The following EYS variants were observed in gnomAD, a reference collection of about 807,000 sequenced individuals.
EYS encodes the protein EGF-like photoreceptor maintenance factor, also known as protein eyes shut homolog.
EYS carries 250 observed loss-of-function variants against 282.1 expected under a neutral mutation model. The observed-to-expected ratio is 0.89, with a 90% CI of 0.80 to 0.98. The LOEUF is 0.98. Among genes scored for constraint, EYS ranks in the 50% least tolerant of loss-of-function variants. The pLI, the probability that EYS is intolerant of heterozygous loss-of-function variation, is 0.00. For synonymous variants in EYS, 1,355 were observed against 1,282.9 expected (o/e 1.06, Z -1.20); for missense variants, 4,016 against 3,709.0 (o/e 1.08, Z -2.15).
At chr6:64,540,019 C>G (rs1764649473) in intron 26 of EYS, among the ~76,000 whole-genome samples, 1 of 152,164 alleles carries the variant, frequency 6.6e-6, no homozygotes, top group Non-Finnish European at 1.5e-5. Flanking sequence ...AAGAGAGGAA[C>G]CATTTCCAAG....
At chr6:65,416,505 AT>A (rs552528058) in intron 5 of EYS, among the ~76,000 whole-genome samples, 233 of 152,116 alleles carry the variant, frequency 1.5e-3, no homozygotes, top group Middle Eastern at 0.01. Context: ...TATCTAAGTA[AT>A]TTTTATTTTA....
chr6:65,305,990 T>C (rs1017318792), intron 11 of EYS, among the ~76,000 whole-genome samples: 1 of 152,132 alleles, frequency 6.6e-6, no homozygotes, highest in Non-Finnish European at 1.5e-5. Flanking sequence ...GCCAGTTTTC[T>C]TCATTTCTGA....
At chr6:64,976,532 A>G (rs890019433) in intron 14 of EYS, among the ~76,000 whole-genome samples, 1 of 151,918 alleles carries the variant, frequency 6.6e-6, no homozygotes, top group African/African-American at 2.4e-5. Flanking sequence ...ATAACTTTAC[A>G]TGGCAGTAGG....
At chr6:65,357,678 A>T (rs933520146) in intron 8 of EYS, among the ~76,000 whole-genome samples, 12 of 152,134 alleles carry the variant, frequency 7.9e-5, no homozygotes, top group African/African-American at 2.9e-4. Context: ...TTTATTATAT[A>T]GACCAGGAGT....
At chr6:65,458,590 G>C (rs562550544) in intron 5 of EYS, among the ~76,000 whole-genome samples, 6 of 152,124 alleles carry the variant, frequency 3.9e-5, no homozygotes, top group Non-Finnish European at 8.8e-5. Flanking sequence ...CAAAGCTGAA[G>C]TAATGTCACT....
intron 22 of EYS, among the ~76,000 whole-genome samples, chr6:64,799,761 CAT>C: frequency 6.6e-6 from 1 of 151,342 alleles, no homozygotes; most frequent in Non-Finnish European, 1.5e-5. Flanking sequence ...CAAAAGAAAA[CAT>C]TTATAGTTTT....
intron 19 of EYS, among the ~76,000 whole-genome samples, chr6:64,881,184 A>G (rs1471699376): frequency 6.6e-6 from 1 of 151,828 alleles, no homozygotes; most frequent in Non-Finnish European, 1.5e-5. Flanking sequence ...ATTGTATGTG[A>G]GCTGGGTTTT....
chr6:64,467,915 T>C (rs1775979164), intron 26 of EYS, among the ~76,000 whole-genome samples: 2 of 152,118 alleles, frequency 1.3e-5, no homozygotes, highest in South Asian at 2.1e-4. Flanking sequence ...AGCCTGTTAA[T>C]GACACTGCTG....
At chr6:64,521,494 C>T (rs1377236610) in intron 26 of EYS, among the ~76,000 whole-genome samples, 1 of 151,674 alleles carries the variant, frequency 6.6e-6, no homozygotes, top group Non-Finnish European at 1.5e-5. Context: ...ACTTAGAGTA[C>T]TAAAGTGGAT....
chr6:64,151,297 A>T (rs1355068740), intron 31 of EYS, among the ~76,000 whole-genome samples: 2 of 130,674 alleles, frequency 1.5e-5, no homozygotes, highest in Non-Finnish European at 3.1e-5. Flanking sequence ...ATATGTTTTC[A>T]CACGTGTGTG....
At chr6:64,655,711 A>G (rs1375379467) in intron 22 of EYS, among the ~76,000 whole-genome samples, 4 of 151,998 alleles carry the variant, frequency 2.6e-5, no homozygotes, top group African/African-American at 9.7e-5. Context: ...TAAGTCATGG[A>G]TAAGCAATTA....
intron 26 of EYS, among the ~76,000 whole-genome samples, chr6:64,556,391 T>C (rs534564949): frequency 2.0e-5 from 3 of 152,086 alleles, no homozygotes; most frequent in African/African-American, 7.2e-5. Flanking sequence ...GGGTCTGTGG[T>C]GTATCGTCCC....
chr6:64,203,099 G>A (rs1443047860), intron 31 of EYS, among the ~76,000 whole-genome samples: 1 of 152,186 alleles, frequency 6.6e-6, no homozygotes, highest in Non-Finnish European at 1.5e-5. Flanking sequence ...AGCCCTGAAG[G>A]GAGAGGAGTA....
chr6:64,301,223 G>C (rs1258695093), intron 30 of EYS, among the ~76,000 whole-genome samples: 1 of 152,116 alleles, frequency 6.6e-6, no homozygotes, highest in Non-Finnish European at 1.5e-5. Flanking sequence ...AATTTACTAG[G>C]CGATATTAAC....
rs202220187 is a variant in EYS, at chr6:65,467,439, TA to T, written c.862+23154del. On this transcript the variant is annotated intron_variant, in intron 5 of 42. Coordinates refer to ENST00000503581, the MANE Select transcript of EYS (RefSeq NM_001142800.2). Reference sequence around the variant, plus strand: ...TTCCTTACCAAAAGACTAACAGTTATAAAAAAAAATCAGAAATAAGATATTA... The same window carrying T: ...TTCCTTACCAAAAGACTAACAGTTATAAAAAAAATCAGAAATAAGATATTA... Among the ~76,000 whole-genome samples the T allele has an allele frequency of 2.8e-3, 419 of 150,910 alleles. 3 individuals carry two copies. Among genetic ancestry groups the T allele is most frequent in the South Asian group, 0.024 (113 of 4,780 alleles).
At chr6:65,271,630 T>TGTA (rs1032767423) in intron 12 of EYS, among the ~76,000 whole-genome samples, 15 of 152,264 alleles carry the variant, frequency 9.9e-5, no homozygotes, top group African/African-American at 3.6e-4. Context: ...TCACTCAGGC[T>TGTA]GTAGTACAGT....
intron 22 of EYS, among the ~76,000 whole-genome samples, chr6:64,777,713 G>T (rs1418087452): frequency 6.6e-6 from 1 of 151,984 alleles, no homozygotes; most frequent in Admixed American, 6.6e-5. Flanking sequence ...CATATATAAG[G>T]TATTCTGGAG....
intron 30 of EYS, among the ~76,000 whole-genome samples, chr6:64,235,703 C>A (rs1330693245): frequency 6.6e-6 from 1 of 152,162 alleles, no homozygotes; most frequent in Non-Finnish European, 1.5e-5. Context: ...TACAGTCCCA[C>A]CAACAGTGTA....
intron 2 of EYS, among the ~76,000 whole-genome samples, chr6:65,509,406 G>GAT (rs1766781905): frequency 6.6e-6 from 1 of 151,976 alleles, no homozygotes; most frequent in African/African-American, 2.4e-5. Flanking sequence ...TGGTATGGGT[G>GAT]GTCTTTTTAA....
Sources: gnomAD v4.1 joint callset for allele counts (sites outside exome capture counted in the v4.1 genomes callset) on GRCh38, gnomAD v4.1.1 for gene constraint, MANE v1.5 for transcripts, NCBI Gene and HGNC (gene_info 2026-07-23, HGNC 2026-07-21) for gene names.